The following ZNF592 variants were observed in gnomAD, a reference collection of about 807,000 sequenced individuals.
The protein encoded by ZNF592 is spinocerebellar ataxia, autosomal recessive 5.
Under a neutral mutation model 80.3 loss-of-function variants are expected in ZNF592, and 11 were observed. The ratio of observed to expected loss-of-function variants is 0.14; its 90% CI spans 0.09 to 0.23. The LOEUF is 0.23. Ranked by LOEUF, ZNF592 falls within the 10% of genes least tolerant of loss-of-function variation. ZNF592 has a pLI of 1.00. For missense variants in ZNF592, 1,420 were observed against 1,633.9 expected, an observed-to-expected ratio of 0.87 and a Z score of 2.26; for synonymous variants, 646 against 640.3, an observed-to-expected ratio of 1.01 and a Z score of -0.13.
intron 5 of ZNF592, among the ~76,000 whole-genome samples, chr15:84,796,265 T>TATATATATATA (rs1396711040): frequency 5.5e-4 from 24 of 43,634 alleles, no homozygotes; most frequent in East Asian, 9.2e-4. Flanking sequence ...TATATATATA[T>TATATATATATA]TTTATATATA....
At chr15:84,801,732 A>G in intron 10 of ZNF592, 131 bp from the exon 11 acceptor site, 1 of 1,300,230 alleles carries the variant, frequency 7.7e-7, no homozygotes, top group Non-Finnish European at 1.1e-6. Context: ...ACCAAACGTA[A>G]ACCAGCGTTC....
chr15:84,767,052 T>TG (rs1283281652), intron 2 of ZNF592, among the ~76,000 whole-genome samples: 3 of 152,180 alleles, frequency 2.0e-5, no homozygotes, highest in African/African-American at 7.2e-5. Context: ...TGGAATGCAG[T>TG]GGCGTGATCT....
In ZNF592 at chr15:84,799,061, G is replaced by A. The variant is rs536434464; in HGVS notation, c.3025-37G>A. The A allele has an allele frequency of 1.9e-6, 3 of 1,612,084 alleles. No homozygotes were observed. In the East Asian group the frequency reaches 6.7e-5, roughly 36 times the overall value. On this transcript the variant is annotated intron_variant, in intron 8 of 10. Coordinates refer to ENST00000560079, the MANE Select transcript of ZNF592 (RefSeq NM_014630.3). The surrounding 1 kb of genome is among the most constrained non-coding windows in gnomAD (Gnocchi z 4.2). Reference sequence around the variant, plus strand: ...AAAATGCACCCAGAACTATCTTACAGTTCTGATGCTTTGTGTGTTGCCACC... The same window carrying A: ...AAAATGCACCCAGAACTATCTTACAATTCTGATGCTTTGTGTGTTGCCACC...
chr15:84,798,037 A>T lies in ZNF592; in HGVS notation c.2568A>T (p.Arg856Ser), dbSNP rs1335027394. ...SATQHPTQPH[R>S]PSQLIYKCSC... Reference sequence around the variant, plus strand: ...CCCAGCACCCCACCCAGCCCCACAGACCCTCCCAGTGAGTGCAGCTCCAGG... The same window carrying T: ...CCCAGCACCCCACCCAGCCCCACAGTCCCTCCCAGTGAGTGCAGCTCCAGG... Residue 856 changes from arginine to serine, a missense_variant, in exon 6 of 11, where the codon AGA becomes AGT. Coordinates refer to ENST00000560079, the MANE Select transcript of ZNF592 (RefSeq NM_014630.3). This position sits in a 1 kb window ranked among gnomAD's most constrained non-coding sequence, Gnocchi z 4.5. The T allele has an allele frequency of 1.9e-6, 3 of 1,613,606 alleles. No homozygotes were observed. Among genetic ancestry groups the T allele is most frequent in the Non-Finnish European group, 2.5e-6 (3 of 1,179,976 alleles).
intron 2 of ZNF592, among the ~76,000 whole-genome samples, chr15:84,768,230 C>CTTTTTTTTTTTT (rs995969490): frequency 3.3e-4 from 40 of 122,324 alleles, no homozygotes; most frequent in African/African-American, 3.9e-4. Flanking sequence ...TTCTTTCTTT[C>CTTTTTTTTTTTT]TTTTTTTTTT....
At position 84,799,216 on chromosome 15, in the gene ZNF592, T is replaced by G. The variant is rs1555432283; in HGVS notation, c.3137+6T>G. On this transcript the variant is annotated splice_donor_region_variant and intron_variant, in intron 9 of 10. Coordinates refer to ENST00000560079, the MANE Select transcript of ZNF592 (RefSeq NM_014630.3). The surrounding 1 kb of genome is among the most constrained non-coding windows in gnomAD (Gnocchi z 4.2). ...AAGAAGTTCTACACCTGCGGGTGAG[T>G]CCCTGGGGATAGTAGTGAGGAGGCC... 6.2e-7 allele frequency: 1 copy of G among 1,613,646 alleles called. No individual in the cohort carries two copies. Among genetic ancestry groups the G allele is most frequent in the Non-Finnish European group, 8.5e-7 (1 of 1,179,714 alleles).
chr15:84,791,125 G>A (rs1962735576), intron 5 of ZNF592, among the ~76,000 whole-genome samples: 1 of 152,224 alleles, frequency 6.6e-6, no homozygotes, highest in Admixed American at 6.5e-5. Context: ...AAGTTTTGGG[G>A]AGATTAGACA....
At chr15:84,749,083 A>G (rs1317077862) in intron 1 of ZNF592, among the ~76,000 whole-genome samples, 1 of 152,168 alleles carries the variant, frequency 6.6e-6, no homozygotes, top group African/African-American at 2.4e-5. Flanking sequence ...CCGCCCGAAG[A>G]GCTGTCGCCG....
At chr15:84,752,494 A>T (rs1016064276) in intron 1 of ZNF592, among the ~76,000 whole-genome samples, 1 of 152,196 alleles carries the variant, frequency 6.6e-6, no homozygotes, top group Admixed American at 6.5e-5. Context: ...TTACAGGCAA[A>T]TAAGATTGAG....
intron 2 of ZNF592, among the ~76,000 whole-genome samples, chr15:84,772,999 G>A (rs1295556478): frequency 1.3e-5 from 2 of 152,104 alleles, no homozygotes; most frequent in Non-Finnish European, 2.9e-5. Context: ...GAAATTTGAA[G>A]GCTTTATGCA....
intron 4 of ZNF592, among the ~76,000 whole-genome samples, chr15:84,789,671 G>A (rs377158900): frequency 6.6e-6 from 1 of 152,284 alleles, no homozygotes; most frequent in East Asian, 1.9e-4. Flanking sequence ...ATGTTGTCAT[G>A]GCTCATTGAT....
chr15:84,800,103 ACT>A lies in ZNF592; in HGVS notation c.3273+131_3273+132del, dbSNP rs1036834438. On this transcript the variant is annotated intron_variant, in intron 10 of 10. Transcript: ENST00000560079. ...GTGACAGCTTCCCTCAATGTGGGTC[ACT>A]CTCTAGTCCTGTGTGACCCGCCTGG... 4 of 1,439,844 alleles carry A rather than the reference ACT, an allele frequency of 2.8e-6. No homozygotes were observed. In the African/African-American group the frequency reaches 4.2e-5, roughly 15 times the overall value. The allele number at this position is 1,439,844 out of a possible 1,614,324, so 89.2% of individuals were successfully genotyped here.
Position 84,804,092 on chromosome 15 carries a change from C to G in ZNF592, c.*1699C>G, listed in dbSNP as rs2141532368. The G allele has an allele frequency of 6.6e-6, 1 of 152,346 alleles. No homozygotes were observed. Among genetic ancestry groups the G allele is most frequent in the African/African-American group, 2.4e-5 (1 of 41,584 alleles). The allele number at this position is 152,346 out of a possible 1,614,324, so 9.4% of individuals were successfully genotyped here. ...ATGCTAATGGCAGTGGGAAAGGTTG[C>G]CTCACTTTCAGAGAGACTCTCGCTG... On this transcript the variant is annotated 3_prime_UTR_variant, in exon 11 of 11. Transcript: ENST00000560079.
At chr15:84,775,633 A>G (rs1195371091) in intron 2 of ZNF592, among the ~76,000 whole-genome samples, 1 of 151,794 alleles carries the variant, frequency 6.6e-6, no homozygotes, top group Non-Finnish European at 1.5e-5. Flanking sequence ...AGGTTTTGCT[A>G]TATTGGCCAG....
At chr15:84,796,266 TTTA>T (rs1567076312) in intron 5 of ZNF592, among the ~76,000 whole-genome samples, 142 of 44,248 alleles carry the variant, frequency 3.2e-3, no homozygotes, top group East Asian at 0.012. Context: ...ATATATATAT[TTTA>T]TATATATATA....
chr15:84,775,475 C>G (rs189464523), intron 2 of ZNF592, among the ~76,000 whole-genome samples: 11 of 151,848 alleles, frequency 7.2e-5, no homozygotes, highest in South Asian at 2.1e-4. Context: ...CTCTGTTGCC[C>G]AGGCTGGAGT....
At chr15:84,790,619 A>G (rs1962719064) in intron 4 of ZNF592, 86 bp from the exon 5 acceptor site, 2 of 1,392,950 alleles carry the variant, frequency 1.4e-6, no homozygotes, top group Non-Finnish European at 2.0e-6. Context: ...ATTCTGACCC[A>G]TGTACTAGCA....
chr15:84,784,265 G>A lies in ZNF592; in HGVS notation c.1590G>A (p.Gln530=). 3 of 1,614,248 alleles carry A rather than the reference G, an allele frequency of 1.9e-6. No homozygotes were observed. The highest frequency in any genetic ancestry group is 2.5e-6 in the Non-Finnish European group (3 of 1,180,048). ...AGTCTTCAGTGCAAAGACGGAGCCA[G>A]CCACAGCTTACACAAATGTCGGTGC... ...TAKSSVQRRS[Q]PQLTQMSVPL... Residue 530 remains glutamine, a synonymous_variant, in exon 4 of 11, where the codon CAG becomes CAA. Transcript: ENST00000560079. This position sits in a 1 kb window ranked among gnomAD's most constrained non-coding sequence, Gnocchi z 5.8.
rs1567076372 is a variant in ZNF592 at position 84,796,276 on chromosome 15, TATATATATATATATATATAAAA to T, written c.2400-1591_2400-1570del. Among the ~76,000 whole-genome samples the T allele has an allele frequency of 5.8e-4, 30 of 52,070 alleles. 4 individuals are homozygous for T. Among genetic ancestry groups the T allele is most frequent in the African/African-American group, 2.4e-3 (23 of 9,700 alleles). 34.2% of individuals were successfully genotyped at this position (52,070 alleles called of 152,430 possible). A position where few individuals can be genotyped will look rare whatever the true frequency, so the allele number is the denominator to read the frequency against. On this transcript the variant is annotated intron_variant, in intron 5 of 10. Coordinates refer to ENST00000560079, the MANE Select transcript of ZNF592 (RefSeq NM_014630.3). The stretch of plus-strand genomic sequence containing the variant: ...TATATATATATATATTTTATATATA[TATATATATATATATATATAAAA>T]AAACGAAGGGTAACATTCAGGAGTC...
Sources: gnomAD v4.1 joint callset for allele counts (sites outside exome capture counted in the v4.1 genomes callset) on GRCh38, gnomAD v4.1.1 for gene constraint, Gnocchi (gnomAD v3.1) non-coding constraint, MANE v1.5 for transcripts, NCBI Gene and HGNC (gene_info 2026-07-23, HGNC 2026-07-21) for gene names.